The following WNT2B variants were observed in gnomAD, a reference collection of about 807,000 sequenced individuals.
WNT2B encodes the protein protein Wnt-2b.
A neutral mutation model predicts 40.5 loss-of-function variants in WNT2B; 19 were observed. That is an observed-to-expected ratio of 0.47 (90% CI 0.33 to 0.69). The LOEUF is 0.69. WNT2B is among the 30% of genes least tolerant of loss of function. WNT2B has a pLI of 0.02. For missense variants in WNT2B, 467 were observed against 556.4 expected, an observed-to-expected ratio of 0.84 and a Z score of 1.62; for synonymous variants, 220 against 211.9, an observed-to-expected ratio of 1.04 and a Z score of -0.33.
At chr1:112,470,606 T>A (rs916642483) in intron 1 of WNT2B, among the ~76,000 whole-genome samples, 6 of 151,944 alleles carry the variant, frequency 3.9e-5, no homozygotes, top group Admixed American at 3.3e-4. Flanking sequence ...AAATAAATAA[T>A]AAATCATGCT....
upstream of WNT2B, among the ~76,000 whole-genome samples, chr1:112,505,564 C>G (rs1652082916): frequency 6.6e-6 from 1 of 152,226 alleles, no homozygotes; most frequent in Admixed American, 6.5e-5. Flanking sequence ...TAGCTTGAGC[C>G]TCTGGCCTTG....
At chr1:112,489,121 A>C (rs1042238197) in intron 1 of WNT2B, among the ~76,000 whole-genome samples, 2 of 152,180 alleles carry the variant, frequency 1.3e-5, no homozygotes, top group African/African-American at 4.8e-5. Context: ...CAAGGTACTT[A>C]GATGTTCACT....
intron 1 of WNT2B, among the ~76,000 whole-genome samples, chr1:112,500,590 T>A (rs1651915919): frequency 6.6e-6 from 1 of 151,776 alleles, no homozygotes; most frequent in Admixed American, 6.6e-5. Context: ...GGCAACATAG[T>A]GAGACCCCGT....
intron 1 of WNT2B, among the ~76,000 whole-genome samples, chr1:112,482,976 G>T (rs1234841165): frequency 6.6e-6 from 1 of 152,126 alleles, no homozygotes; most frequent in African/African-American, 2.4e-5. Flanking sequence ...GACCTAGAAT[G>T]TCCAAAGCAA....
rs1268761968 is a variant in WNT2B, at chr1:112,514,906, G to C, written c.215G>C (p.Cys72Ser). 1 of 1,614,264 alleles carries C rather than the reference G, an allele frequency of 6.2e-7. No individual in the cohort carries two copies. The highest frequency in any genetic ancestry group is 8.5e-7 in the Non-Finnish European group (1 of 1,180,048). ...YIGALGARVI[C>S]DNIPGLVSRQ... ...GGGGCACTGGGGGCACGAGTGATCT[G>C]TGACAATATCCCTGGTTTGGTGAGC... Residue 72 changes from cysteine (C) to serine (S), a missense_variant, in exon 2 of 5, where the codon TGT (cysteine) becomes TCT (serine). Physicochemically the swap from Cys to Ser is moderately radical, Grantham distance 112. Coordinates refer to ENST00000369684, the MANE Select transcript of WNT2B (RefSeq NM_024494.3).
chr1:112,511,479 A>C (rs1278057790), intron 1 of WNT2B, among the ~76,000 whole-genome samples: 3 of 152,184 alleles, frequency 2.0e-5, no homozygotes, highest in African/African-American at 4.8e-5. Context: ...TTAGGAAAAA[A>C]CCAGCAAGAT....
chr1:112,516,091 C>A, intron 2 of WNT2B, 49 bp from the exon 3 acceptor site: 1 of 1,568,786 alleles, frequency 6.4e-7, no homozygotes, highest in South Asian at 1.2e-5. Flanking sequence ...AAGAAGGGGA[C>A]AGACATGGGC....
rs1459449962 is a variant in WNT2B at position 112,520,733 on chromosome 1, G to A, written c.*224G>A. 9 of 587,848 alleles carry A rather than the reference G, an allele frequency of 1.5e-5. No homozygotes were observed. Among genetic ancestry groups the A allele is most frequent in the African/African-American group, 5.6e-5 (3 of 53,734 alleles). The allele number at this position is 587,848 out of a possible 1,614,324, so 36.4% of individuals were successfully genotyped here. A position where few individuals can be genotyped will look rare whatever the true frequency, so the allele number is the denominator to read the frequency against. ...AACTGAGCAAGCTCCCTGATTTCCC[G>A]CTCTGGAGATTTGAAGGGAGAGTAG... On this transcript the variant is annotated 3_prime_UTR_variant, in exon 5 of 5. Coordinates refer to ENST00000369684, the MANE Select transcript of WNT2B (RefSeq NM_024494.3).
chr1:112,496,255 C>T (rs184234296), intron 1 of WNT2B, among the ~76,000 whole-genome samples: 143 of 152,292 alleles, frequency 9.4e-4, no homozygotes, highest in African/African-American at 3.2e-3. Context: ...GCTAGGACTA[C>T]AGGCATTTGC....
rs781283417 is a variant in WNT2B, at chr1:112,491,004, C to T, written c.-95+23413C>T. 49 of 1,613,842 alleles carry T rather than the reference C, an allele frequency of 3.0e-5. No individual in the cohort carries two copies. In the South Asian group the frequency reaches 3.4e-4, roughly 11 times the overall value. On this transcript the variant is annotated intron_variant, in intron 1 of 4. Transcript: ENST00000256640. The stretch of plus-strand genomic sequence containing the variant: ...TAAATTGCGCCTGTGTTTTCTTTTC[C>T]GACCAGACTGAAGGATCCTTGAGGA...
intron 1 of WNT2B, among the ~76,000 whole-genome samples, chr1:112,496,605 GT>G (rs71584741): frequency 5.5e-5 from 8 of 145,576 alleles, no homozygotes; most frequent in South Asian, 2.2e-4. Flanking sequence ...TTTCTTTTTT[GT>G]TTTTTTTTTT....
chr1:112,519,997 G>A (rs1464911686), intron 4 of WNT2B, among the ~76,000 whole-genome samples: 17 of 150,670 alleles, frequency 1.1e-4, no homozygotes, highest in Non-Finnish European at 5.9e-5. Context: ...TCAGCCTCCT[G>A]AGTATCTAGG....
At chr1:112,505,020 A>G (rs1237350242), upstream of WNT2B, among the ~76,000 whole-genome samples, 1 of 152,240 alleles carries the variant, frequency 6.6e-6, no homozygotes, top group African/African-American at 2.4e-5. Context: ...GAACAGAGTG[A>G]AAAGAAATCT....
intron 1 of WNT2B, among the ~76,000 whole-genome samples, chr1:112,499,963 C>T (rs922152121): frequency 2.0e-5 from 3 of 152,126 alleles, no homozygotes; most frequent in Admixed American, 2.0e-4. Flanking sequence ...CTGCTATGAG[C>T]AGAGGCACGA....
In WNT2B at chr1:112,521,017, T is replaced by TGA; in HGVS notation, c.*512_*513dup. 1 of 157,866 alleles carries TGA rather than the reference T, an allele frequency of 6.3e-6. No homozygotes were observed. Among genetic ancestry groups the TGA allele is most frequent in the Non-Finnish European group, 1.4e-5 (1 of 71,254 alleles). The allele number at this position is 157,866 out of a possible 1,614,324, so 9.8% of individuals were successfully genotyped here. On this transcript the variant is annotated 3_prime_UTR_variant, in exon 5 of 5. Coordinates refer to ENST00000369684, the MANE Select transcript of WNT2B (RefSeq NM_024494.3). ...ATCTTAGGCTACCACATTCTATTAT[T>TGA]GAGAGCCTGAGATGTTAGCCATAGT...
In WNT2B at chr1:112,528,805, C is replaced by T. The variant is rs1653878897; in HGVS notation, c.*8296C>T. On this transcript the variant is annotated 3_prime_UTR_variant, in exon 5 of 5. Coordinates refer to ENST00000369684, the MANE Select transcript of WNT2B (RefSeq NM_024494.3). Reference sequence around the variant, plus strand: ...GAATTTTTGCAGCTAGCAGATTTATCGTATCTGAGGCCATAGTGAATAGAA... The same window carrying T: ...GAATTTTTGCAGCTAGCAGATTTATTGTATCTGAGGCCATAGTGAATAGAA... 6.6e-6 allele frequency: 1 copy of T among 152,120 alleles called. No individual in the cohort carries two copies. Among genetic ancestry groups the T allele is most frequent in the African/African-American group, 2.4e-5 (1 of 41,404 alleles). 9.4% of individuals were successfully genotyped at this position (152,120 alleles called of 1,614,324 possible). A position where few individuals can be genotyped will look rare whatever the true frequency, so the allele number is the denominator to read the frequency against.
chr1:112,516,755 A>C (rs1652567034), intron 3 of WNT2B, among the ~76,000 whole-genome samples: 1 of 152,222 alleles, frequency 6.6e-6, no homozygotes, highest in Non-Finnish European at 1.5e-5. Context: ...CTATGTGCCT[A>C]GTACTATGCT....
intron 1 of WNT2B, among the ~76,000 whole-genome samples, chr1:112,485,948 CATTG>C (rs1440488082): frequency 6.6e-6 from 1 of 152,128 alleles, no homozygotes; most frequent in East Asian, 1.9e-4. Flanking sequence ...TGGTGAAATA[CATTG>C]ATTGATTTTC....
intron 4 of WNT2B, 89 bp downstream of exon 4, chr1:112,517,474 T>G: frequency 6.8e-7 from 1 of 1,477,742 alleles, no homozygotes; most frequent in Non-Finnish European, 9.0e-7. Flanking sequence ...TCTCAGGAGT[T>G]AGGGAAGGGG....
Sources: allele counts gnomAD v4.1 joint callset (sites outside exome capture counted in the v4.1 genomes callset), GRCh38; gene constraint gnomAD v4.1.1; transcripts MANE v1.5; gene names NCBI Gene and HGNC (gene_info 2026-07-23, HGNC 2026-07-21).